Variants in PCDH11Y observed in about 807,000 individuals in gnomAD.
PCDH11Y encodes protocadherin-11 Y-linked.
For synonymous variants in PCDH11Y, 9 were observed against 83.6 expected (o/e 0.11, Z 4.87); for missense variants, 12 against 224.8 (o/e 0.05, Z 6.05).
chrY:5,399,562 G>A (rs370313154), intron 2 of PCDH11Y, among the ~76,000 whole-genome samples: 2 of 23,604 alleles, frequency 8.5e-5, no homozygotes, highest in Admixed American at 4.4e-4. Flanking sequence ...GTGCAATGGC[G>A]CGATCTCGGC....
intron 2 of PCDH11Y, among the ~76,000 whole-genome samples, chrY:5,315,645 C>T: frequency 3.0e-5 from 1 of 33,618 alleles, no homozygotes; most frequent in African/African-American, 1.2e-4. Context: ...TCATGAACCA[C>T]TCTGATTGTT....
intron 2 of PCDH11Y, among the ~76,000 whole-genome samples, chrY:5,211,597 T>C: frequency 3.2e-5 from 1 of 31,395 alleles, no homozygotes; most frequent in Non-Finnish European, 7.7e-5. Context: ...ATATTTTAGA[T>C]AGGGCCAGGC....
intron 3 of PCDH11Y, among the ~76,000 whole-genome samples, chrY:5,046,233 C>T (rs2052638158): frequency 3.0e-5 from 1 of 33,610 alleles, no homozygotes; most frequent in Non-Finnish European, 7.4e-5. Context: ...TTTTCCCCAT[C>T]TTTGTGGTTT....
chrY:5,566,487 T>TAGG (rs2053435286), intron 3 of PCDH11Y, among the ~76,000 whole-genome samples: 1 of 32,995 alleles, frequency 3.0e-5, no homozygotes, highest in South Asian at 6.6e-4. Flanking sequence ...TGTGGAATTA[T>TAGG]AATTATGTTG....
At chrY:5,270,753 T>C in intron 2 of PCDH11Y, among the ~76,000 whole-genome samples, 2 of 32,706 alleles carry the variant, frequency 6.1e-5, no homozygotes, top group Non-Finnish European at 1.5e-4. Flanking sequence ...TTATGCCGCA[T>C]AAATTGGCAA....
At chrY:5,438,645 A>C in intron 2 of PCDH11Y, among the ~76,000 whole-genome samples, 1 of 32,492 alleles carries the variant, frequency 3.1e-5, no homozygotes, top group Non-Finnish European at 7.5e-5. Context: ...CCTTTGGGTA[A>C]CAAGAAGATA....
chrY:5,378,349 G>A, intron 2 of PCDH11Y, among the ~76,000 whole-genome samples: 4 of 30,817 alleles, frequency 1.3e-4, no homozygotes, highest in East Asian at 8.5e-4. Context: ...AAACAGAGCC[G>A]CACTGAGTTT....
At chrY:5,599,064 CTATCAGAATA>C (rs2053470252) in intron 4 of PCDH11Y, among the ~76,000 whole-genome samples, 5 of 32,395 alleles carry the variant, frequency 1.5e-4, no homozygotes, top group Non-Finnish European at 3.0e-4. Context: ...TTGAAAAATA[CTATCAGAATA>C]CAGAACAGAG....
At chrY:5,275,707 C>T in intron 2 of PCDH11Y, among the ~76,000 whole-genome samples, 3 of 33,036 alleles carry the variant, frequency 9.1e-5, no homozygotes, top group African/African-American at 2.3e-4. Flanking sequence ...AAATATAGTT[C>T]GAAAGCACTA....
At chrY:5,655,132 C>G in intron 4 of PCDH11Y, among the ~76,000 whole-genome samples, 1 of 29,440 alleles carries the variant, frequency 3.4e-5, no homozygotes, top group Non-Finnish European at 8.1e-5. Flanking sequence ...TTTGCATAAG[C>G]TTGGTGAATA....
chrY:5,247,623 A>G (rs2052997772), intron 2 of PCDH11Y, among the ~76,000 whole-genome samples: 1 of 32,870 alleles, frequency 3.0e-5, no homozygotes. Context: ...CACATCAGAA[A>G]GTTAGAAAGA....
chrY:5,328,887 G>T, intron 2 of PCDH11Y, among the ~76,000 whole-genome samples: 8 of 31,723 alleles, frequency 2.5e-4, no homozygotes, highest in Non-Finnish European at 5.3e-4. Context: ...GCGACGCTTG[G>T]GGTTGGGACT....
chrY:5,188,289 C>T, intron 2 of PCDH11Y, among the ~76,000 whole-genome samples: 4 of 32,388 alleles, frequency 1.2e-4, no homozygotes, highest in Admixed American at 5.8e-4. Context: ...TTTCCAAAAT[C>T]GCTTCCACAT....
rs769077811 is a variant in PCDH11Y at position 5,300,338 on chromosome Y, A to G, written c.3129+199631A>G. 1.4e-3 allele frequency among the ~76,000 whole-genome samples: 46 copies of G among 33,536 alleles called. No individual in the cohort carries two copies. The South Asian group carries it at 0.029, about 21-fold the overall frequency. The allele number at this position is 33,536 out of a possible 37,273, so 90.0% of individuals were successfully genotyped here. A position where few individuals can be genotyped will look rare whatever the true frequency, so the allele number is the denominator to read the frequency against. ...ACTCGTAAGAACTGAACAAGTTTCAATCACCTTTTTAATCTGATTAAATCC... is the reference window on the plus strand; with the variant it reads ...ACTCGTAAGAACTGAACAAGTTTCAGTCACCTTTTTAATCTGATTAAATCC... On this transcript the variant is annotated intron_variant, in intron 2 of 4. Transcript: ENST00000400457.
At chrY:5,600,821 A>G in intron 4 of PCDH11Y, among the ~76,000 whole-genome samples, 1 of 32,355 alleles carries the variant, frequency 3.1e-5, no homozygotes, top group Non-Finnish European at 7.5e-5. Flanking sequence ...AGATGGAGGT[A>G]TAGAAAGGGT....
chrY:5,131,279 T>C (rs1319507075), intron 2 of PCDH11Y, among the ~76,000 whole-genome samples: 540 of 33,112 alleles, frequency 0.016, no homozygotes, highest in Middle Eastern at 0.13. Flanking sequence ...ATTTGATTGC[T>C]CTCAGCCAAC....
intron 2 of PCDH11Y, among the ~76,000 whole-genome samples, chrY:5,174,826 T>A: frequency 3.2e-5 from 1 of 31,699 alleles, no homozygotes; most frequent in Non-Finnish European, 7.8e-5. Context: ...AGAGTACTAT[T>A]TGAAATATTT....
chrY:5,326,671 A>G, intron 2 of PCDH11Y, among the ~76,000 whole-genome samples: 2 of 32,830 alleles, frequency 6.1e-5, no homozygotes, highest in African/African-American at 1.2e-4. Context: ...GTGGGAAGCC[A>G]GATTGAAGTC....
chrY:5,172,986 T>C (rs2052888631), intron 2 of PCDH11Y, among the ~76,000 whole-genome samples: 4 of 32,820 alleles, frequency 1.2e-4, no homozygotes, highest in Non-Finnish European at 2.3e-4. Context: ...GACTAGTGAC[T>C]AGGAAAAAAC....
Sources: gnomAD v4.1 joint callset for allele counts (sites outside exome capture counted in the v4.1 genomes callset) on GRCh38, gnomAD v4.1.1 for gene constraint, MANE v1.5 for transcripts, NCBI Gene and HGNC (gene_info 2026-07-23, HGNC 2026-07-21) for gene names.